Variants in HERC1 observed in about 807,000 individuals in gnomAD.
HERC1 encodes probable E3 ubiquitin-protein ligase HERC1.
Under a neutral mutation model 554.3 loss-of-function variants are expected in HERC1, and 160 were observed. The observed-to-expected ratio is 0.29, with a 90% CI of 0.25 to 0.33. The LOEUF (loss-of-function observed/expected upper bound fraction) is 0.33. Among genes scored for constraint, HERC1 ranks in the 10% least tolerant of loss-of-function variants. The pLI, the probability that HERC1 is intolerant of heterozygous loss-of-function variation, is 1.00. For synonymous variants in HERC1, 2,175 were observed against 2,131.7 expected, an observed-to-expected ratio of 1.02 and a Z score of -0.56; for missense variants, 4,919 against 5,918.5, an observed-to-expected ratio of 0.83 and a Z score of 5.54.
At position 63,692,414 on chromosome 15, in the gene HERC1, A is replaced by G; in HGVS notation, c.5827T>C (p.Ser1943Pro). ...LLNIASQKCSSGIPLVGNLRT... is the reference protein window; with the variant it reads ...LLNIASQKCSPGIPLVGNLRT... ...GACAAAGGCAAAGGACATGTACCTG[A>G]AGAACATTTCTGAGATGCTATATTT... Residue 1943 changes from serine (S) to proline (P), a missense_variant, in exon 31 of 78, where the codon TCA becomes CCA. Transcript: ENST00000443617. This position sits in a 1 kb window ranked among gnomAD's most constrained non-coding sequence, Gnocchi z 4.7. 1.3e-6 allele frequency: 2 copies of G among 1,599,676 alleles called. No homozygotes were observed. The highest frequency in any genetic ancestry group is 8.5e-7 in the Non-Finnish European group (1 of 1,175,736).
At position 63,678,341 on chromosome 15, in the gene HERC1, G is replaced by A. The variant is rs765707550; in HGVS notation, c.6574C>T (p.Arg2192Cys). 23 of 1,599,768 alleles carry A rather than the reference G, an allele frequency of 1.4e-5. No individual in the cohort carries two copies. The highest frequency in any genetic ancestry group is 2.3e-5 in the South Asian group (2 of 88,698). The part of the protein sequence containing the change: ...EKVKICDMQM[R>C]GTPRDLLPGD... ...GGAAGTAAGTCTCGGGGTGTGCCAC[G>A]CATCTGCATATCACAAATTTTCACC... The change falls in exon 37 of 78, where the codon CGT (arginine) becomes TGT (cysteine). Residue 2192 changes from arginine (R) to cysteine (C), a missense_variant. Around this residue, in one of 11 missense-constraint regions of HERC1, gnomAD observed 1,963 missense variants for 2,228.6 expected, o/e 0.88. Coordinates refer to ENST00000443617, the MANE Select transcript of HERC1 (RefSeq NM_003922.4).
intron 26 of HERC1, among the ~76,000 whole-genome samples, chr15:63,698,506 G>C (rs1402402488): frequency 6.6e-6 from 1 of 151,620 alleles, no homozygotes; most frequent in East Asian, 1.9e-4. Context: ...AGACTTCTGA[G>C]TATATTGTTC....
intron 12 of HERC1, among the ~76,000 whole-genome samples, chr15:63,744,110 CTGTGTGTGTGTGTGTGTGTGTGTG>C (rs142936354): frequency 2.1e-5 from 2 of 93,358 alleles, no homozygotes; most frequent in African/African-American, 9.6e-5. Context: ...CCCAAACAGA[CTGTGTGTGTGTGTGTGTGTGTGTG>C]TGTGTGTGTG....
chr15:63,775,456 G>A lies in HERC1; in HGVS notation c.168C>T (p.Cys56=). The stretch of plus-strand genomic sequence containing the variant: ...AGTCTGGCAACTGTGGTCCTTTGAG[G>A]CATAAAACTTGTTGGGGCAAAGGTA... ...EVVPLPQQVL[C]LKGPQLPDFE... The change falls in exon 2 of 78, where the codon TGC becomes TGT. Residue 56 remains cysteine, a synonymous_variant. Transcript: ENST00000443617. The surrounding 1 kb of genome is among the most constrained non-coding windows in gnomAD (Gnocchi z 4.0). The A allele has an allele frequency of 6.2e-7, 1 of 1,613,978 alleles. No individual in the cohort carries two copies.
Position 63,649,267 on chromosome 15 carries a change from A to C in HERC1, c.10747+458T>G, listed in dbSNP as rs977245446. On this transcript the variant is annotated intron_variant, in intron 54 of 77. Transcript: ENST00000443617. ...ACTTGGGAGGCTGAGGCAGGAGAATAGCTTGAACCAGGGAGTCAGAGGTTG... is the reference window on the plus strand; with the variant it reads ...ACTTGGGAGGCTGAGGCAGGAGAATCGCTTGAACCAGGGAGTCAGAGGTTG... 3.9e-5 allele frequency among the ~76,000 whole-genome samples: 6 copies of C among 152,216 alleles called. No individual in the cohort carries two copies. In the East Asian group the frequency reaches 5.8e-4, roughly 15 times the overall value.
Position 63,651,359 on chromosome 15 carries a change from G to C in HERC1, c.10440C>G (p.Ser3480Arg). The change falls in exon 53 of 78, where the codon AGC becomes AGG. Residue 3480 changes from serine (S) to arginine (R), a missense_variant. By Grantham distance (110) the Ser-to-Arg change is moderately radical (BLOSUM62 -1). Coordinates refer to ENST00000443617, the MANE Select transcript of HERC1 (RefSeq NM_003922.4). ...AACTTGGATCACTGGGTGATCCCAG[G>C]CTTTCCTCAGCATCCCCTTCCCTAG... is the stretch of plus-strand genomic sequence containing the variant. ...FNRLEGDAEE[S>R]LGSPSDPSFS... The C allele has an allele frequency of 6.2e-7, 1 of 1,613,318 alleles. No individual in the cohort carries two copies. The highest frequency in any genetic ancestry group is 8.5e-7 in the Non-Finnish European group (1 of 1,179,380).
chr15:63,634,071 A>G, intron 66 of HERC1, 101 bp from the exon 67 acceptor site: 10 of 1,302,000 alleles, frequency 7.7e-6, no homozygotes, highest in East Asian at 2.4e-5. Context: ...AAACTTGGCT[A>G]TGTTTCCAAA....
intron 71 of HERC1, 179 bp downstream of exon 71, chr15:63,625,806 T>C (rs1241976850): frequency 1.3e-5 from 9 of 713,776 alleles, no homozygotes; most frequent in Non-Finnish European, 1.5e-5. Flanking sequence ...AGCAGCATCA[T>C]GTCCAACCTC....
chr15:63,633,769 T>C lies in HERC1; in HGVS notation c.12693+79A>G, dbSNP rs2068665774. The C allele has an allele frequency of 6.9e-6, 10 of 1,442,250 alleles. No homozygotes were observed. In the Middle Eastern group the frequency reaches 7.1e-4, roughly 102 times the overall value. 89.3% of individuals were successfully genotyped at this position (1,442,250 alleles called of 1,614,324 possible). On this transcript the variant is annotated intron_variant, in intron 67 of 77. Coordinates refer to ENST00000443617, the MANE Select transcript of HERC1 (RefSeq NM_003922.4). The stretch of plus-strand genomic sequence containing the variant: ...TACCAAAAGTACTAAAGGTAAATTA[T>C]TTCCAACTAATAATAACTACTGACA...
At position 63,689,819 on chromosome 15, in the gene HERC1, T is replaced by C. The variant is rs11636604; in HGVS notation, c.5938-120A>G. On this transcript the variant is annotated intron_variant, in intron 32 of 77. Coordinates refer to ENST00000443617, the MANE Select transcript of HERC1 (RefSeq NM_003922.4). ...ATGCGAAGTTTGATTATACCAGTGT[T>C]CAACAGCTACTTTTAGTGGTTATAA... 0.47 allele frequency: 263,208 copies of C among 561,720 alleles called. 66,443 individuals carry two copies. The highest frequency in any genetic ancestry group is 0.54 in the Non-Finnish European group (173,097 of 321,368). 34.8% of individuals were successfully genotyped at this position (561,720 alleles called of 1,614,324 possible).
intron 2 of HERC1, among the ~76,000 whole-genome samples, chr15:63,770,645 G>A (rs1334727130): frequency 1.3e-5 from 2 of 152,246 alleles, no homozygotes; most frequent in Non-Finnish European, 2.9e-5. Context: ...TGTGTGGGCA[G>A]CAGAGATTAA....
intron 1 of HERC1, among the ~76,000 whole-genome samples, chr15:63,824,544 A>C (rs7165167): frequency 0.012 from 1,889 of 151,480 alleles, 40 homozygotes; most frequent in African/African-American, 0.044. Flanking sequence ...AAAAAAAAAA[A>C]AAAAATTAAA....
chr15:63,817,831 G>A (rs2077546513), intron 1 of HERC1, among the ~76,000 whole-genome samples: 1 of 152,012 alleles, frequency 6.6e-6, no homozygotes, highest in Admixed American at 6.6e-5. Context: ...TTGGGTACAT[G>A]GGAGCTCTTT....
chr15:63,741,321 C>A (rs2074796642), intron 12 of HERC1, among the ~76,000 whole-genome samples: 1 of 149,756 alleles, frequency 6.7e-6, no homozygotes, highest in Non-Finnish European at 1.5e-5. Context: ...GCCACCGCGC[C>A]GGGCCCATCT....
chr15:63,659,800 T>C lies in HERC1; in HGVS notation c.9360A>G (p.Pro3120=), dbSNP rs763847277. The C allele has an allele frequency of 1.2e-6, 2 of 1,613,978 alleles. No individual in the cohort carries two copies. Among genetic ancestry groups the C allele is most frequent in the Admixed American group, 1.7e-5 (1 of 60,022 alleles). ...TGACCATTGCTACTGATGCTCCCAG[T>C]GGATCGCTGTCAGGGAACTGAACTG... ...PEPVQFPDSD[P]LGASVAMVTA... is the part of the protein sequence containing the mutation. Residue 3120 remains proline, a synonymous_variant, in exon 47 of 78, where the codon CCA becomes CCG. Transcript: ENST00000443617.
chr15:63,649,198 C>CA (rs1420540066), intron 54 of HERC1, among the ~76,000 whole-genome samples: 12 of 152,062 alleles, frequency 7.9e-5, no homozygotes, highest in African/African-American at 2.7e-4. Context: ...ACTAAAAATA[C>CA]AAAAATTAGC....
chr15:63,680,148 C>A lies in HERC1; in HGVS notation c.6478G>T (p.Ala2160Ser). ...TCTGCTGCATCCACATCTTCAAAAG[C>A]TAATTTGGGTTCCTACAGTGTGGCA... ...FGKNGEEPKL[A>S]FEDVDAAELY... is the part of the protein sequence containing the mutation. Residue 2160 changes from alanine (A) to serine (S), a missense_variant, in exon 36 of 78, where the codon GCT becomes TCT. By Grantham distance (99) the Ala-to-Ser change is moderately conservative. This residue lies in a region of HERC1 where 85 missense variants were observed against 163.2 expected (regional missense o/e 0.52). Coordinates refer to ENST00000443617, the MANE Select transcript of HERC1 (RefSeq NM_003922.4). The surrounding 1 kb of genome is among the most constrained non-coding windows in gnomAD (Gnocchi z 5.8). The A allele has an allele frequency of 1.2e-6, 2 of 1,612,994 alleles. No individual in the cohort carries two copies. The highest frequency in any genetic ancestry group is 2.2e-5 in the East Asian group (1 of 44,810).
At chr15:63,789,154 A>G (rs55762773) in intron 1 of HERC1, among the ~76,000 whole-genome samples, 1 of 122,362 alleles carries the variant, frequency 8.2e-6, no homozygotes, top group African/African-American at 3.2e-5. Flanking sequence ...GCAGTGGTGC[A>G]ATCTCGGCTC....
chr15:63,696,041 T>C, intron 27 of HERC1, 83 bp downstream of exon 27: 1 of 1,035,996 alleles, frequency 9.7e-7, no homozygotes, highest in Non-Finnish European at 1.4e-6. Context: ...AACTGAATCA[T>C]AAACACCAAA....
Sources: gnomAD v4.1 joint callset for allele counts (sites outside exome capture counted in the v4.1 genomes callset) on GRCh38, gnomAD v4.1.1 for gene constraint, gnomAD v4.1.1 regional missense constraint, Gnocchi (gnomAD v3.1) non-coding constraint, MANE v1.5 for transcripts, NCBI Gene and HGNC (gene_info 2026-07-23, HGNC 2026-07-21) for gene names.